NLGN4X: variants seen among roughly 807,000 people sequenced by gnomAD.
The protein encoded by NLGN4X is neuroligin-4, X-linked.
Under a neutral mutation model 40.3 loss-of-function variants are expected in NLGN4X, and 3 were observed. The ratio of observed to expected loss-of-function variants is 0.07; its 90% CI spans 0.03 to 0.19. The LOEUF (loss-of-function observed/expected upper bound fraction) is 0.19. Ranked by LOEUF, NLGN4X falls within the 10% of genes least tolerant of loss-of-function variation. NLGN4X has a pLI of 1.00. For synonymous variants in NLGN4X, 270 were observed against 306.8 expected (o/e 0.88, Z 1.25); for missense variants, 382 against 708.3 (o/e 0.54, Z 5.23).
chrX:5,898,388 C>T (rs1191159141), intron 5 of NLGN4X, among the ~76,000 whole-genome samples: 5 of 107,407 alleles, frequency 4.7e-5, no homozygotes, highest in African/African-American at 1.4e-4. Flanking sequence ...TCCTTTTCTC[C>T]GCCATGCACA....
intron 3 of NLGN4X, among the ~76,000 whole-genome samples, chrX:5,958,124 T>C (rs1280337916): frequency 2.7e-5 from 3 of 111,737 alleles, no homozygotes; most frequent in Non-Finnish European, 5.6e-5. Context: ...AGTTAAATAA[T>C]AGCTGGTGAG....
chrX:5,945,820 G>A (rs749004979), intron 3 of NLGN4X, among the ~76,000 whole-genome samples: 2 of 110,960 alleles, frequency 1.8e-5, no homozygotes, highest in Admixed American at 1.9e-4. Context: ...TAACTAATGC[G>A]TACTTGGCTC....
chrX:5,910,325 G>GT (rs34324227), intron 3 of NLGN4X, among the ~76,000 whole-genome samples: 15,911 of 104,892 alleles, frequency 0.15, 977 homozygotes, highest in African/African-American at 0.19. Flanking sequence ...ATTTTTAAAA[G>GT]TTTTTTTTTT....
intron 2 of NLGN4X, among the ~76,000 whole-genome samples, chrX:6,060,164 A>C (rs2037734779): frequency 8.9e-6 from 1 of 112,158 alleles, no homozygotes; most frequent in Admixed American, 9.4e-5. Context: ...TGTGGGAAAA[A>C]GGTAACTGAT....
At position 5,893,381 on chromosome X, in the gene NLGN4X, G is replaced by A. The variant is rs778014568; in HGVS notation, c.1887C>T (p.Pro629=). The A allele has an allele frequency of 2.6e-5, 32 of 1,208,100 alleles. No homozygotes were observed. The highest frequency in any genetic ancestry group is 2.3e-4 in the Middle Eastern group (1 of 4,342). Residue 629 remains proline (P), a synonymous_variant, in exon 6 of 6, where the codon CCC becomes CCT. Transcript: ENST00000381095. Reference sequence around the variant, plus strand: ...GTTTGGTGGTTGGCCATATCTTGGCGGGAGATCGCCGGGTGCCATAGGGAA... The same window carrying A: ...GTTTGGTGGTTGGCCATATCTTGGCAGGAGATCGCCGGGTGCCATAGGGAA... The part of the protein sequence containing the change: ...TSFPYGTRRS[P]AKIWPTTKRP...
rs2040151773 is a variant in NLGN4X, at chrX:6,150,987, G to GTACTT, written c.472+7_472+8insAAGTA. 8.4e-7 allele frequency: 1 copy of GTACTT among 1,187,554 alleles called. No individual in the cohort carries two copies. The highest frequency in any genetic ancestry group is 1.7e-5 in the African/African-American group (1 of 57,476). Reference sequence around the variant, plus strand: ...AGGTATTGTTTTCTGTTCCAGTGAGGTACTCACCATCTTCCGTGGGCACGT... The same window carrying GTACTT: ...AGGTATTGTTTTCTGTTCCAGTGAGGTACTTTACTCACCATCTTCCGTGGGCACGT... On this transcript the variant is annotated splice_region_variant and intron_variant, in intron 2 of 5. Coordinates refer to ENST00000381095, the MANE Select transcript of NLGN4X (RefSeq NM_181332.3).
intron 2 of NLGN4X, among the ~76,000 whole-genome samples, chrX:6,035,432 T>C: frequency 8.9e-6 from 1 of 111,956 alleles, no homozygotes; most frequent in East Asian, 2.8e-4. Context: ...CCTAAAAGTT[T>C]AAGAGCTTTA....
At chrX:6,133,206 T>C (rs947734729) in intron 2 of NLGN4X, among the ~76,000 whole-genome samples, 1 of 110,117 alleles carries the variant, frequency 9.1e-6, no homozygotes, top group Admixed American at 9.7e-5. Context: ...ATCATCACCA[T>C]CATAACCATC....
chrX:6,167,770 G>A (rs1398594888), intron 1 of NLGN4X, among the ~76,000 whole-genome samples: 2 of 111,878 alleles, frequency 1.8e-5, no homozygotes, highest in Non-Finnish European at 3.8e-5. Context: ...CAACGTTATA[G>A]AAGCTCCAAA....
Position 6,181,287 on chromosome X carries a change from C to T in NLGN4X, c.-305-29516G>A, listed in dbSNP as rs971286037. ...CTATAATTACAGCTATGCACACAGA[C>T]GCTCATACCACGGAACTAACATGAA... On this transcript the variant is annotated intron_variant, in intron 1 of 5. Transcript: ENST00000381095. Among the ~76,000 whole-genome samples the T allele has an allele frequency of 4.5e-5, 5 of 111,648 alleles. No homozygotes were observed. In the South Asian group the frequency reaches 1.5e-3, roughly 34 times the overall value.
At chrX:5,947,034 T>C (rs1043662761) in intron 3 of NLGN4X, among the ~76,000 whole-genome samples, 2 of 112,010 alleles carry the variant, frequency 1.8e-5, no homozygotes, top group Non-Finnish European at 3.8e-5. Flanking sequence ...GGCTGCATAG[T>C]TTTCCATTCT....
Position 5,909,079 on chromosome X carries a change from C to T in NLGN4X, c.786G>A (p.Leu262=). 1 of 1,211,283 alleles carries T rather than the reference C, an allele frequency of 8.3e-7. No individual in the cohort carries two copies. The highest frequency in any genetic ancestry group is 1.8e-5 in the South Asian group (1 of 56,919). Residue 262 remains leucine, a synonymous_variant, in exon 4 of 6, where the codon CTG becomes CTA. Coordinates refer to ENST00000381095, the MANE Select transcript of NLGN4X (RefSeq NM_181332.3). Reference sequence around the variant, plus strand: ...CTTCTGAGTAGTGGGACAGGGTCAACAGGCTGACACAGGAGGCCCCAGCCC... The same window carrying T: ...CTTCTGAGTAGTGGGACAGGGTCAATAGGCTGACACAGGAGGCCCCAGCCC... ...GSGAGASCVS[L]LTLSHYSEGL... is the part of the protein sequence containing the mutation.
At chrX:6,034,502 C>A (rs1420738617) in intron 2 of NLGN4X, among the ~76,000 whole-genome samples, 1 of 111,951 alleles carries the variant, frequency 8.9e-6, no homozygotes, top group Non-Finnish European at 1.9e-5. Context: ...TGCATAGATA[C>A]CTAGGGGTGA....
rs1433519344 is a variant in NLGN4X at position 5,985,631 on chromosome X, G to A, written c.625+43649C>T. On this transcript the variant is annotated intron_variant, in intron 3 of 5. Coordinates refer to ENST00000381095, the MANE Select transcript of NLGN4X (RefSeq NM_181332.3). ...AGCAATTCAAGCAAGATGTAGAAGT[G>A]GGATATTAGTAGCACAATTTAGGAT... 2.7e-5 allele frequency among the ~76,000 whole-genome samples: 3 copies of A among 110,873 alleles called. No individual in the cohort carries two copies. In the East Asian group the frequency reaches 8.5e-4, roughly 31 times the overall value.
At chrX:5,940,962 G>GT (rs1317972090) in intron 3 of NLGN4X, among the ~76,000 whole-genome samples, 1 of 109,313 alleles carries the variant, frequency 9.1e-6, no homozygotes, top group Non-Finnish European at 1.9e-5. Context: ...AAAAAAAAAA[G>GT]TTTTTTCAAA....
At chrX:6,130,959 G>A (rs751399267) in intron 2 of NLGN4X, among the ~76,000 whole-genome samples, 4 of 111,512 alleles carry the variant, frequency 3.6e-5, no homozygotes, top group African/African-American at 3.3e-5. Flanking sequence ...TAATTATGGC[G>A]TAGTGTTTGT....
intron 3 of NLGN4X, among the ~76,000 whole-genome samples, chrX:5,927,792 G>A (rs1372236646): frequency 1.8e-5 from 2 of 112,038 alleles, no homozygotes; most frequent in Non-Finnish European, 3.8e-5. Context: ...TGTCTTATTC[G>A]AGCCTAAAGC....
intron 2 of NLGN4X, among the ~76,000 whole-genome samples, chrX:6,109,713 G>A (rs2039105035): frequency 8.9e-6 from 1 of 111,873 alleles, no homozygotes; most frequent in African/African-American, 3.2e-5. Context: ...ATGCATTTGG[G>A]TGTGCTCACT....
intron 2 of NLGN4X, among the ~76,000 whole-genome samples, chrX:6,051,255 A>T (rs1569209106): frequency 2.7e-5 from 3 of 112,178 alleles, no homozygotes; most frequent in African/African-American, 9.7e-5. Flanking sequence ...ATACACAGCA[A>T]GAGATTAACT....
Sources: allele counts gnomAD v4.1 joint callset (sites outside exome capture counted in the v4.1 genomes callset), GRCh38; gene constraint gnomAD v4.1.1; transcripts MANE v1.5; gene names NCBI Gene and HGNC (gene_info 2026-07-23, HGNC 2026-07-21).